Variants in DPP10 observed in about 807,000 individuals in gnomAD.
DPP10 encodes inactive dipeptidyl peptidase 10.
DPP10 carries 33 observed loss-of-function variants against 120.9 expected under a neutral mutation model. The observed-to-expected ratio is 0.27, with a 90% CI of 0.21 to 0.37. DPP10 has a LOEUF of 0.37. DPP10 is among the 10% of genes least tolerant of loss of function. The pLI, the probability that DPP10 is intolerant of heterozygous loss-of-function variation, is 1.00. For synonymous variants in DPP10, 337 were observed against 326.1 expected (o/e 1.03, Z -0.36); for missense variants, 816 against 942.8 (o/e 0.87, Z 1.76).
intron 21 of DPP10, among the ~76,000 whole-genome samples, chr2:115,827,205 G>T (rs1260803443): frequency 2.0e-5 from 3 of 151,016 alleles, no homozygotes; most frequent in Non-Finnish European, 4.4e-5. Context: ...AATTAAAGTT[G>T]TCCTCCTGTG....
chr2:114,777,033 T>C (rs922706818), intron 1 of DPP10, among the ~76,000 whole-genome samples: 1 of 152,152 alleles, frequency 6.6e-6, no homozygotes, highest in Non-Finnish European at 1.5e-5. Context: ...CTATATAATA[T>C]ATACATTATA....
At chr2:115,213,453 C>A (rs2105365205) in intron 1 of DPP10, among the ~76,000 whole-genome samples, 1 of 152,164 alleles carries the variant, frequency 6.6e-6, no homozygotes, top group African/African-American at 2.4e-5. Context: ...ATCAGGTATT[C>A]ATGGAACAAT....
chr2:115,488,742 AG>A (rs1018403476), intron 3 of DPP10, among the ~76,000 whole-genome samples: 1 of 118,672 alleles, frequency 8.4e-6, no homozygotes, highest in Non-Finnish European at 1.7e-5. Context: ...GGGTCGGGGG[AG>A]GGGGGAGGGA....
At chr2:115,684,928 G>A (rs1255865722) in intron 5 of DPP10, among the ~76,000 whole-genome samples, 4 of 151,774 alleles carry the variant, frequency 2.6e-5, no homozygotes, top group Non-Finnish European at 5.9e-5. Context: ...TGGCTTAATT[G>A]GTCTTTTGGA....
At chr2:115,646,097 C>T (rs1197857280) in intron 5 of DPP10, among the ~76,000 whole-genome samples, 2 of 151,686 alleles carry the variant, frequency 1.3e-5, no homozygotes, top group Non-Finnish European at 2.9e-5. Context: ...CACACATGCA[C>T]GTGCGTGCGC....
At chr2:115,378,992 A>G (rs1461929707) in intron 3 of DPP10, among the ~76,000 whole-genome samples, 4 of 152,210 alleles carry the variant, frequency 2.6e-5, no homozygotes, top group Non-Finnish European at 4.4e-5. Flanking sequence ...ATGTTCATCA[A>G]GGATATTGGT....
intron 1 of DPP10, among the ~76,000 whole-genome samples, chr2:114,669,006 A>G (rs943564392): frequency 1.3e-5 from 2 of 152,100 alleles, no homozygotes; most frequent in Non-Finnish European, 2.9e-5. Context: ...GACGAGGGCC[A>G]TTTCTTAACA....
chr2:115,484,948 G>A (rs1432570609), intron 3 of DPP10, among the ~76,000 whole-genome samples: 1 of 152,070 alleles, frequency 6.6e-6, no homozygotes, highest in Non-Finnish European at 1.5e-5. Context: ...TCACGTGCCT[G>A]TAGTCCCAGC....
intron 5 of DPP10, among the ~76,000 whole-genome samples, chr2:115,540,240 AGTATT>A (rs1558821001): frequency 1.3e-5 from 2 of 152,040 alleles, no homozygotes; most frequent in East Asian, 3.9e-4. Context: ...AATAGACTGA[AGTATT>A]GCATTATGAT....
At chr2:114,942,300 T>TATATATATATATATATATATATATATAC (rs1553458469) in intron 1 of DPP10, among the ~76,000 whole-genome samples, 2 of 110,618 alleles carry the variant, frequency 1.8e-5, no homozygotes, top group Non-Finnish European at 3.7e-5. Flanking sequence ...TATATATACA[T>TATATATATATATATATATATATATATAC]ATATATATAT....
At chr2:114,949,602 T>G (rs1290370483) in intron 1 of DPP10, among the ~76,000 whole-genome samples, 1 of 152,210 alleles carries the variant, frequency 6.6e-6, no homozygotes, top group East Asian at 1.9e-4. Flanking sequence ...GCACTTGACA[T>G]GGACCCAGAT....
At chr2:114,858,283 CCCG>C (rs1689529543) in intron 1 of DPP10, among the ~76,000 whole-genome samples, 1 of 152,200 alleles carries the variant, frequency 6.6e-6, no homozygotes, top group Non-Finnish European at 1.5e-5. Context: ...ACCACTGTGC[CCCG>C]CCGCCGCTTG....
intron 1 of DPP10, among the ~76,000 whole-genome samples, chr2:114,539,091 A>G (rs1393552874): frequency 1.3e-5 from 2 of 151,738 alleles, no homozygotes; most frequent in East Asian, 1.9e-4. Flanking sequence ...CACATAGCAG[A>G]CAAAGTGATG....
At chr2:114,552,821 C>A (rs1039188445) in intron 1 of DPP10, among the ~76,000 whole-genome samples, 5 of 152,170 alleles carry the variant, frequency 3.3e-5, no homozygotes, top group Non-Finnish European at 7.4e-5. Flanking sequence ...GCTGGAATTA[C>A]AGGCGTGAGC....
At chr2:114,452,046 C>T (rs1338858863) in intron 1 of DPP10, among the ~76,000 whole-genome samples, 1 of 152,052 alleles carries the variant, frequency 6.6e-6, no homozygotes, top group Non-Finnish European at 1.5e-5. Flanking sequence ...TAGTGGTAGC[C>T]TTATAATCTA....
At chr2:114,731,861 A>G (rs1676951899) in intron 1 of DPP10, among the ~76,000 whole-genome samples, 1 of 152,292 alleles carries the variant, frequency 6.6e-6, no homozygotes, top group African/African-American at 2.4e-5. Context: ...GGTCACATGC[A>G]TTCATGTTAT....
intron 2 of DPP10, among the ~76,000 whole-genome samples, chr2:115,322,611 A>G (rs1236648134): frequency 1.3e-5 from 2 of 152,168 alleles, no homozygotes; most frequent in African/African-American, 4.8e-5. Flanking sequence ...TACCACCTAC[A>G]CTGCTTTCTA....
At chr2:114,930,964 G>A (rs35224347) in intron 1 of DPP10, among the ~76,000 whole-genome samples, 3,069 of 152,270 alleles carry the variant, frequency 0.02, 45 homozygotes, top group Non-Finnish European at 0.033. Context: ...TTGCCAAAAT[G>A]CTCCACCTCC....
chr2:115,786,321 T>C (rs998102931), intron 17 of DPP10, among the ~76,000 whole-genome samples: 3 of 152,120 alleles, frequency 2.0e-5, no homozygotes, highest in African/African-American at 7.2e-5. Context: ...GAACAAAACA[T>C]TTACTAAAAG....
Sources: allele counts gnomAD v4.1 joint callset (sites outside exome capture counted in the v4.1 genomes callset), GRCh38; gene constraint gnomAD v4.1.1; transcripts MANE v1.5; gene names NCBI Gene and HGNC (gene_info 2026-07-23, HGNC 2026-07-21).